The following P2RY14 variants were observed in gnomAD, a reference collection of about 807,000 sequenced individuals.
P2RY14 encodes purinergic receptor P2Y14.
A neutral mutation model predicts 0.9 loss-of-function variants in P2RY14; 2 were observed. The observed-to-expected ratio is 2.16, with a 90% CI of 0.88 to 6.79. The LOEUF is 6.79. Among genes scored for constraint, P2RY14 ranks in the 30% most tolerant of loss-of-function variants. The pLI is 0.05. For missense variants in P2RY14, 378 were observed against 400.1 expected (o/e 0.94, Z 0.47); for synonymous variants, 158 against 147.2 (o/e 1.07, Z -0.53).
rs114392687 is a variant in P2RY14 at position 151,257,811 on chromosome 3, G to A, written c.-133+20476C>T. On this transcript the variant is annotated intron_variant, in intron 1 of 2. Transcript: ENST00000309170. ...ATTTTAGACCACCTTTTGTTCAAGT[G>A]TCATGTGGACCACTTGGCTTAGATG... Among the ~76,000 whole-genome samples the A allele has an allele frequency of 6.5e-3, 983 of 152,228 alleles. 9 individuals carry two copies. The highest frequency in any genetic ancestry group is 0.022 in the African/African-American group (907 of 41,522).
At chr3:151,231,424 A>T (rs1196885783) in intron 1 of P2RY14, among the ~76,000 whole-genome samples, 1 of 152,202 alleles carries the variant, frequency 6.6e-6, no homozygotes, top group East Asian at 1.9e-4. Flanking sequence ...GAATGATCCA[A>T]CTTACCAAAA....
At chr3:151,253,999 G>GTTTTTT (rs11453294) in intron 1 of P2RY14, among the ~76,000 whole-genome samples, 11 of 136,874 alleles carry the variant, frequency 8.0e-5, no homozygotes, top group African/African-American at 1.3e-4. Context: ...ATTTTTTCTT[G>GTTTTTT]TTTTTTTTTT....
At position 151,213,337 on chromosome 3, in the gene P2RY14, C is replaced by T. The variant is rs370358626; in HGVS notation, c.980G>A (p.Arg327Lys). ...TGTGCTTTCAAGTGTTGTATTTCCT[C>T]TTTTGATTCTGGAAATGTCTAGGTC... ...QNDLDISRIK[R>K]GNTTLESTDT... The change falls in exon 3 of 3, where the codon AGA becomes AAA. Residue 327 changes from arginine (R) to lysine (K), a missense_variant. Arg to Lys is a conservative substitution (Grantham distance 26). Coordinates refer to ENST00000309170, the MANE Select transcript of P2RY14 (RefSeq NM_014879.4). 23 of 1,612,372 alleles carry T rather than the reference C, an allele frequency of 1.4e-5. No individual in the cohort carries two copies. In the African/African-American group the frequency reaches 2.9e-4, roughly 21 times the overall value.
chr3:151,214,026 A>G lies in P2RY14; in HGVS notation c.291T>C (p.Ser97=). 6.2e-7 allele frequency: 1 copy of G among 1,614,176 alleles called. No homozygotes were observed. Among genetic ancestry groups the G allele is most frequent in the Non-Finnish European group, 8.5e-7 (1 of 1,180,004 alleles). ...ACATGTTGACGTAGAAGAGCACGGC[A>G]GAGACCCTGCACACAAACACGTTCA... is the stretch of plus-strand genomic sequence containing the variant. The part of the protein sequence containing the change: ...WQLNVFVCRV[S]AVLFYVNMYV... Residue 97 remains serine, a synonymous_variant, in exon 3 of 3, where the codon TCT becomes TCC. Coordinates refer to ENST00000309170, the MANE Select transcript of P2RY14 (RefSeq NM_014879.4).
chr3:151,221,836 C>T (rs919165199), intron 1 of P2RY14, among the ~76,000 whole-genome samples: 1 of 152,154 alleles, frequency 6.6e-6, no homozygotes, highest in Admixed American at 6.5e-5. Flanking sequence ...ACTGGGGCAC[C>T]ATCTAATGGA....
chr3:151,270,971 G>A (rs1399467010), intron 1 of P2RY14, among the ~76,000 whole-genome samples: 1 of 151,328 alleles, frequency 6.6e-6, no homozygotes, highest in African/African-American at 2.4e-5. Flanking sequence ...AAGTGTACAA[G>A]TTGCTTTGTT....
intron 1 of P2RY14, chr3:151,269,407 A>T (rs1577187699): frequency 2.0e-5 from 1 of 48,914 alleles, no homozygotes; most frequent in South Asian, 1.3e-3. Context: ...TCACACACAC[A>T]CACACACACA....
intron 1 of P2RY14, among the ~76,000 whole-genome samples, chr3:151,225,380 A>G (rs1730285781): frequency 6.6e-6 from 1 of 152,198 alleles, no homozygotes; most frequent in Non-Finnish European, 1.5e-5. Context: ...CTGAAGCTCA[A>G]GATGGAGGGG....
chr3:151,256,958 A>C (rs1197761901), intron 1 of P2RY14, among the ~76,000 whole-genome samples: 1 of 151,922 alleles, frequency 6.6e-6, no homozygotes, highest in Non-Finnish European at 1.5e-5. Flanking sequence ...TATCAAGTCC[A>C]CATATGAAGT....
At position 151,213,414 on chromosome 3, in the gene P2RY14, C is replaced by T. The variant is rs144133888; in HGVS notation, c.903G>A (p.Pro301=). ...ATTTCTTACATAAGATTTCCCTAAACGGCTGGCATAGAAAGAAATAAATAA... is the reference window on the plus strand; with the variant it reads ...ATTTCTTACATAAGATTTCCCTAAATGGCTGGCATAGAAAGAAATAAATAA... ...DPIIYFFLCQ[P]FREILCKKLH... Residue 301 remains proline, a synonymous_variant, in exon 3 of 3, where the codon CCG becomes CCA. Coordinates refer to ENST00000309170, the MANE Select transcript of P2RY14 (RefSeq NM_014879.4). 1.2e-4 allele frequency: 191 copies of T among 1,613,858 alleles called. No individual in the cohort carries two copies. The highest frequency in any genetic ancestry group is 6.0e-4 in the African/African-American group (45 of 74,890).
chr3:151,215,987 A>G (rs910647602), intron 2 of P2RY14, among the ~76,000 whole-genome samples: 1 of 152,090 alleles, frequency 6.6e-6, no homozygotes, highest in Non-Finnish European at 1.5e-5. Context: ...CTTAGCTGTC[A>G]CTTTCCTTAG....
At chr3:151,276,896 TTTG>T (rs1372869200) in intron 1 of P2RY14, among the ~76,000 whole-genome samples, 2 of 152,102 alleles carry the variant, frequency 1.3e-5, no homozygotes, top group East Asian at 3.9e-4. Context: ...TGGTTTTATT[TTTG>T]TTTGTTTTTG....
intron 1 of P2RY14, among the ~76,000 whole-genome samples, chr3:151,243,515 T>G (rs1305027569): frequency 3.3e-5 from 5 of 152,164 alleles, no homozygotes; most frequent in African/African-American, 9.7e-5. Flanking sequence ...CCAGCGAAAC[T>G]AAGCTTCATA....
In P2RY14 at chr3:151,227,080, C is replaced by T. The variant is rs189660893; in HGVS notation, c.-132-7438G>A. On this transcript the variant is annotated intron_variant, in intron 1 of 2. Coordinates refer to ENST00000309170, the MANE Select transcript of P2RY14 (RefSeq NM_014879.4). The stretch of plus-strand genomic sequence containing the variant: ...TGAGCTCAAGATCAGGTCACTTGAT[C>T]CTAACTCCTGCTGCTGTGACCCATC... Among the ~76,000 whole-genome samples, 496 of 152,294 alleles carry T rather than the reference C, an allele frequency of 3.3e-3. 4 individuals are homozygous for T. The highest frequency in any genetic ancestry group is 0.012 in the African/African-American group (481 of 41,554).
At chr3:151,214,462 T>C in intron 2 of P2RY14, 122 bp from the exon 3 acceptor site, 1 of 632,188 alleles carries the variant, frequency 1.6e-6, no homozygotes, top group African/African-American at 1.8e-5. Context: ...GCCACCTTTT[T>C]ACTCTGTGTA....
chr3:151,242,759 G>C (rs890731243), intron 1 of P2RY14, among the ~76,000 whole-genome samples: 2 of 152,188 alleles, frequency 1.3e-5, no homozygotes, highest in Non-Finnish European at 2.9e-5. Flanking sequence ...GAACAAAGCT[G>C]GATGGAGAAT....
chr3:151,275,867 C>T (rs1741762192), intron 1 of P2RY14, among the ~76,000 whole-genome samples: 1 of 152,032 alleles, frequency 6.6e-6, no homozygotes. Flanking sequence ...CTGTGCTGCT[C>T]AGACTTTTAG....
At chr3:151,268,926 A>T (rs1740336969) in intron 1 of P2RY14, among the ~76,000 whole-genome samples, 1 of 152,210 alleles carries the variant, frequency 6.6e-6, no homozygotes, top group Non-Finnish European at 1.5e-5. Context: ...AAAAAAATTA[A>T]GTTTTCTGAG....
intron 1 of P2RY14, among the ~76,000 whole-genome samples, chr3:151,230,852 C>T (rs1487286953): frequency 6.6e-6 from 1 of 152,164 alleles, no homozygotes; most frequent in African/African-American, 2.4e-5. Flanking sequence ...TGTCAGTGAG[C>T]TCATCTTGTT....
Sources: allele counts gnomAD v4.1 joint callset (sites outside exome capture counted in the v4.1 genomes callset), GRCh38; gene constraint gnomAD v4.1.1; transcripts MANE v1.5; gene names NCBI Gene and HGNC (gene_info 2026-07-23, HGNC 2026-07-21).